MIA2: variants seen among roughly 807,000 people sequenced by gnomAD.
MIA2 encodes the protein melanoma inhibitory activity protein 2.
A neutral mutation model predicts 167.8 loss-of-function variants in MIA2; 127 were observed. The observed-to-expected ratio is 0.76, with a 90% CI of 0.66 to 0.88. The LOEUF (loss-of-function observed/expected upper bound fraction) is 0.88, where lower values mean the gene tolerates loss of function less well. Among genes scored for constraint, MIA2 ranks in the 40% least tolerant of loss-of-function variants. The pLI, the probability that MIA2 is intolerant of heterozygous loss-of-function variation, is 0.00. For synonymous variants in MIA2, 552 were observed against 541.9 expected (o/e 1.02, Z -0.26); for missense variants, 1,690 against 1,624.7 (o/e 1.04, Z -0.69).
intron 7 of MIA2, among the ~76,000 whole-genome samples, chr14:39,278,689 G>A (rs896407915): frequency 3.3e-5 from 5 of 152,080 alleles, no homozygotes; most frequent in African/African-American, 1.2e-4. Context: ...GTTTTATTTT[G>A]GATATTGGCA....
At chr14:39,318,765 A>G (rs1456284874) in intron 22 of MIA2, among the ~76,000 whole-genome samples, 2 of 152,156 alleles carry the variant, frequency 1.3e-5, no homozygotes, top group Non-Finnish European at 2.9e-5. Flanking sequence ...CATGAGTGTC[A>G]CGTTACAATG....
Position 39,252,864 on chromosome 14 carries a change from G to A in MIA2, c.1684G>A (p.Ala562Thr). 6.2e-7 allele frequency: 1 copy of A among 1,614,012 alleles called. No individual in the cohort carries two copies. Among genetic ancestry groups the A allele is most frequent in the African/African-American group, 1.3e-5 (1 of 75,046 alleles). Residue 562 changes from alanine to threonine, a missense_variant, in exon 5 of 29, where the codon GCT becomes ACT. Ala to Thr is a moderately conservative substitution (Grantham distance 58). Transcript: ENST00000640607. The part of the protein sequence containing the change: ...SKPSVDTEGP[A>T]LVEIDRSVEN... ...ACCATCAGTAGACACCGAAGGGCCT[G>A]CTCTGGTGGAGATAGACAGATCTGT... is the stretch of plus-strand genomic sequence containing the variant.
chr14:39,265,280 G>A, intron 6 of MIA2: 1 of 839,368 alleles, frequency 1.2e-6, no homozygotes, highest in South Asian at 1.6e-5. Context: ...GGATCACAGT[G>A]TGGAAACAGA....
At chr14:39,293,602 T>C (rs1458106031) in intron 11 of MIA2, among the ~76,000 whole-genome samples, 1 of 152,212 alleles carries the variant, frequency 6.6e-6, no homozygotes, top group Non-Finnish European at 1.5e-5. Flanking sequence ...ATATGCACTA[T>C]GGAAGTAGCT....
In MIA2 at chr14:39,242,368, G is replaced by A. The variant is rs999746580; in HGVS notation, c.336+1721G>A. 3.4e-5 allele frequency among the ~76,000 whole-genome samples: 5 copies of A among 148,952 alleles called. No individual in the cohort carries two copies. In the South Asian group the frequency reaches 8.4e-4, roughly 25 times the overall value. On this transcript the variant is annotated intron_variant, in intron 3 of 28. Transcript: ENST00000640607. ...TGGAGTTTCACCTCTTATTGCCCAG[G>A]CTGGAGTGCAATGGCATGATCTCTG... is the stretch of plus-strand genomic sequence containing the variant.
chr14:39,327,580 A>G (rs771841685), intron 25 of MIA2, among the ~76,000 whole-genome samples: 42 of 152,032 alleles, frequency 2.8e-4, no homozygotes, highest in Non-Finnish European at 5.7e-4. Flanking sequence ...CAGCTGCATC[A>G]TCTACATTAG....
intron 6 of MIA2, among the ~76,000 whole-genome samples, chr14:39,256,779 A>G (rs904039588): frequency 2.0e-5 from 3 of 152,228 alleles, no homozygotes; most frequent in Non-Finnish European, 2.9e-5. Context: ...GAGTAAAAAA[A>G]GAAAATATAG....
At chr14:39,315,588 T>C (rs2065256782) in intron 20 of MIA2, 95 bp from the exon 21 acceptor site, 2 of 907,610 alleles carry the variant, frequency 2.2e-6, no homozygotes, top group Non-Finnish European at 3.4e-6. Context: ...CTTGGGATAG[T>C]TTTGAGTTGT....
At chr14:39,288,462 T>TTTTTTTG (rs1566747993) in intron 9 of MIA2, among the ~76,000 whole-genome samples, 3 of 20,050 alleles carry the variant, frequency 1.5e-4, no homozygotes, top group Non-Finnish European at 2.3e-4. Context: ...TATATATATA[T>TTTTTTTG]ATATATATAT....
At chr14:39,323,944 C>A (rs1019678057) in intron 24 of MIA2, among the ~76,000 whole-genome samples, 1 of 152,196 alleles carries the variant, frequency 6.6e-6, no homozygotes, top group Non-Finnish European at 1.5e-5. Context: ...TCGGGTCTTA[C>A]AGAGTTGATC....
intron 1 of MIA2, 119 bp from the exon 2 acceptor site, chr14:39,236,803 T>G: frequency 1.0e-6 from 1 of 974,144 alleles, no homozygotes; most frequent in Non-Finnish European, 1.5e-6. Context: ...AGGCCATAAA[T>G]GATATAAAGA....
At chr14:39,290,799 G>A (rs1252226113) in intron 9 of MIA2, among the ~76,000 whole-genome samples, 1 of 152,164 alleles carries the variant, frequency 6.6e-6, no homozygotes, top group Non-Finnish European at 1.5e-5. Context: ...TAGAGGTGAA[G>A]TTCTGGCATT....
intron 23 of MIA2, among the ~76,000 whole-genome samples, chr14:39,357,709 T>C (rs1188825183): frequency 6.6e-6 from 1 of 152,242 alleles, no homozygotes; most frequent in East Asian, 1.9e-4. Context: ...CCTTTCCATG[T>C]GTAGTGCTTC....
At chr14:39,386,627 G>A in intron 23 of MIA2, 1 of 1,022,780 alleles carries the variant, frequency 9.8e-7, no homozygotes, top group East Asian at 2.4e-5. Flanking sequence ...TTTTTTTTTG[G>A]CTGGCAGTCT....
At chr14:39,299,301 A>ACTTC (rs2062010020) in intron 13 of MIA2, among the ~76,000 whole-genome samples, 1 of 58,540 alleles carries the variant, frequency 1.7e-5, no homozygotes, top group African/African-American at 5.5e-5. Context: ...GATTAATGGT[A>ACTTC]TTTCTTTTTT....
intron 25 of MIA2, among the ~76,000 whole-genome samples, chr14:39,328,805 GT>G (rs2068131257): frequency 6.6e-6 from 1 of 152,124 alleles, no homozygotes; most frequent in Non-Finnish European, 1.5e-5. Flanking sequence ...TGAGGCCTCT[GT>G]TTTGTTCCAT....
chr14:39,294,697 G>GA (rs2061182325), intron 12 of MIA2, among the ~76,000 whole-genome samples: 1 of 152,106 alleles, frequency 6.6e-6, no homozygotes, highest in African/African-American at 2.4e-5. Context: ...ACAGTACATA[G>GA]AAAGTTACAA....
intron 4 of MIA2, among the ~76,000 whole-genome samples, chr14:39,252,308 G>A (rs558308711): frequency 6.6e-6 from 1 of 152,162 alleles, no homozygotes; most frequent in Non-Finnish European, 1.5e-5. Context: ...CTACTTATAA[G>A]AGGAAGGCAG....
chr14:39,350,022 T>C (rs2074197413), intron 28 of MIA2, 76 bp from the exon 29 acceptor site: 2 of 573,940 alleles, frequency 3.5e-6, no homozygotes, highest in Non-Finnish European at 6.3e-6. Context: ...ATGGAAGTTA[T>C]AAACTTAATG....
Sources: gnomAD v4.1 joint callset for allele counts (sites outside exome capture counted in the v4.1 genomes callset) on GRCh38, gnomAD v4.1.1 for gene constraint, MANE v1.5 for transcripts, NCBI Gene and HGNC (gene_info 2026-07-23, HGNC 2026-07-21) for gene names.